ZFPM2: variants seen among roughly 807,000 people sequenced by gnomAD.
The protein encoded by ZFPM2 is zinc finger protein, FOG family member 2.
A neutral mutation model predicts 98.6 loss-of-function variants in ZFPM2; 20 were observed. The ratio of observed to expected loss-of-function variants is 0.20; its 90% CI spans 0.14 to 0.29. The LOEUF (loss-of-function observed/expected upper bound fraction) is 0.29. ZFPM2 is among the 10% of genes least tolerant of loss of function. The pLI is 1.00. For missense variants in ZFPM2, 1,310 were observed against 1,388.6 expected (o/e 0.94, Z 0.90); for synonymous variants, 518 against 502.7 (o/e 1.03, Z -0.41).
chr8:105,600,256 G>A (rs907067105), intron 4 of ZFPM2, among the ~76,000 whole-genome samples: 11 of 152,052 alleles, frequency 7.2e-5, no homozygotes, highest in Non-Finnish European at 1.3e-4. Context: ...ACAATAATGA[G>A]ATCAGTATTT....
At chr8:105,800,907 A>T in intron 7 of ZFPM2, 140 bp from the exon 8 acceptor site, 1 of 768,774 alleles carries the variant, frequency 1.3e-6, no homozygotes. Context: ...TGTCACAAGA[A>T]AACAGTTAAT....
intron 1 of ZFPM2, among the ~76,000 whole-genome samples, chr8:105,371,184 C>A (rs1157487464): frequency 2.0e-5 from 3 of 152,028 alleles, no homozygotes; most frequent in African/African-American, 7.2e-5. Context: ...GAACCCATAT[C>A]CACACACAGT....
At chr8:105,651,006 T>A (rs1192505805) in intron 5 of ZFPM2, among the ~76,000 whole-genome samples, 1 of 152,150 alleles carries the variant, frequency 6.6e-6, no homozygotes, top group Non-Finnish European at 1.5e-5. Context: ...TGTTCAGTTT[T>A]TGTCTTTAAA....
At chr8:105,399,548 G>A (rs1471140551) in intron 1 of ZFPM2, among the ~76,000 whole-genome samples, 1 of 152,158 alleles carries the variant, frequency 6.6e-6, no homozygotes, top group African/African-American at 2.4e-5. Flanking sequence ...CAACTTCCAT[G>A]AGGACAGGGA....
In ZFPM2 at chr8:105,535,650, A is replaced by G. The variant is rs572590368; in HGVS notation, c.302-25713A>G. 1.2e-4 allele frequency among the ~76,000 whole-genome samples: 19 copies of G among 152,284 alleles called. No individual in the cohort carries two copies. The East Asian group carries it at 3.7e-3, about 29-fold the overall frequency. On this transcript the variant is annotated intron_variant, in intron 3 of 7. Transcript: ENST00000407775. The stretch of plus-strand genomic sequence containing the variant: ...TAAAGTCAGTCTCAGGCCTAGAAGG[A>G]CTGTGAGGTTCTTGGAAAATTATAG...
intron 3 of ZFPM2, among the ~76,000 whole-genome samples, chr8:105,515,175 A>G (rs1813893939): frequency 6.6e-6 from 1 of 152,238 alleles, no homozygotes; most frequent in African/African-American, 2.4e-5. Flanking sequence ...TGAAGTGCCA[A>G]ATATAATTAA....
chr8:105,464,744 G>A (rs1443737574), intron 3 of ZFPM2, among the ~76,000 whole-genome samples: 1 of 151,682 alleles, frequency 6.6e-6, no homozygotes, highest in Non-Finnish European at 1.5e-5. Context: ...TTAACATGAA[G>A]TATCTTGAAG....
chr8:105,554,743 G>A lies in ZFPM2; in HGVS notation c.302-6620G>A, dbSNP rs150491592. 2.7e-4 allele frequency among the ~76,000 whole-genome samples: 41 copies of A among 152,228 alleles called. No individual in the cohort carries two copies. In the East Asian group the frequency reaches 7.9e-3, roughly 29 times the overall value. ...CTATGAAATCTGAGCCTTGAGTTAA[G>A]GGTCGTTCTGTAATTACCTTATATG... is the stretch of plus-strand genomic sequence containing the variant. On this transcript the variant is annotated intron_variant, in intron 3 of 7. Coordinates refer to ENST00000407775, the MANE Select transcript of ZFPM2 (RefSeq NM_012082.4).
chr8:105,531,882 A>G (rs1221198182), intron 3 of ZFPM2, among the ~76,000 whole-genome samples: 2 of 152,082 alleles, frequency 1.3e-5, no homozygotes, highest in Non-Finnish European at 2.9e-5. Context: ...CGAATCAATT[A>G]CAGTTCCTGT....
intron 4 of ZFPM2, among the ~76,000 whole-genome samples, chr8:105,599,521 G>A (rs573215467): frequency 9.2e-5 from 14 of 152,042 alleles, no homozygotes; most frequent in Non-Finnish European, 1.5e-4. Context: ...AGCACCAAGC[G>A]TCACAAGCCA....
chr8:105,429,174 T>C (rs1286951830), intron 2 of ZFPM2, among the ~76,000 whole-genome samples: 2 of 152,188 alleles, frequency 1.3e-5, no homozygotes, highest in African/African-American at 4.8e-5. Context: ...ATTGTTGCTA[T>C]ATGATTAGCT....
chr8:105,726,558 G>A (rs57566398), intron 5 of ZFPM2, among the ~76,000 whole-genome samples: 24,147 of 151,732 alleles, frequency 0.16, 2,377 homozygotes, highest in East Asian at 0.34. Context: ...CAGACGCTTC[G>A]TTTGTTTGTG....
intron 5 of ZFPM2, among the ~76,000 whole-genome samples, chr8:105,698,575 A>G (rs1811071916): frequency 6.6e-6 from 1 of 152,214 alleles, no homozygotes; most frequent in South Asian, 2.1e-4. Context: ...TTAATTTGGG[A>G]CATTTTTATT....
chr8:105,565,774 T>G (rs1815230757), intron 4 of ZFPM2, among the ~76,000 whole-genome samples: 1 of 152,206 alleles, frequency 6.6e-6, no homozygotes, highest in African/African-American at 2.4e-5. Context: ...CTCTTTAAAT[T>G]AAACAAGTAA....
intron 3 of ZFPM2, among the ~76,000 whole-genome samples, chr8:105,550,128 T>A (rs1282057386): frequency 6.6e-6 from 1 of 152,174 alleles, no homozygotes; most frequent in Non-Finnish European, 1.5e-5. Flanking sequence ...TTTTGTGAAC[T>A]CTGACACTCA....
At chr8:105,740,512 T>A (rs1489088002) in intron 5 of ZFPM2, among the ~76,000 whole-genome samples, 1 of 147,578 alleles carries the variant, frequency 6.8e-6, no homozygotes, top group Admixed American at 6.8e-5. Context: ...CATACTAACA[T>A]GTATGTGTGT....
chr8:105,599,439 G>A (rs900025238), intron 4 of ZFPM2, among the ~76,000 whole-genome samples: 1 of 151,058 alleles, frequency 6.6e-6, no homozygotes, highest in African/African-American at 2.4e-5. Context: ...AGGGTTGTGA[G>A]AGAAGTTCAT....
intron 3 of ZFPM2, among the ~76,000 whole-genome samples, chr8:105,463,568 T>A (rs1229279821): frequency 6.6e-6 from 1 of 152,054 alleles, no homozygotes; most frequent in African/African-American, 2.4e-5. Flanking sequence ...ACAACATGTT[T>A]ATTCATTTAT....
chr8:105,393,849 C>CCAATTTGA (rs1481238978), intron 1 of ZFPM2, among the ~76,000 whole-genome samples: 2 of 151,508 alleles, frequency 1.3e-5, no homozygotes, highest in Non-Finnish European at 2.9e-5. Flanking sequence ...TGGGAAGTTA[C>CCAATTTGA]CAATTTGACT....
Sources: gnomAD v4.1 joint callset for allele counts (sites outside exome capture counted in the v4.1 genomes callset) on GRCh38, gnomAD v4.1.1 for gene constraint, MANE v1.5 for transcripts, NCBI Gene and HGNC (gene_info 2026-07-23, HGNC 2026-07-21) for gene names.